The following MAP3K13 variants were observed in gnomAD, a reference collection of about 807,000 sequenced individuals.
MAP3K13 encodes the protein leucine zipper-bearing kinase.
MAP3K13 carries 52 observed loss-of-function variants against 104.0 expected under a neutral mutation model. That is an observed-to-expected ratio of 0.50 (90% confidence interval 0.40 to 0.63). MAP3K13 has a LOEUF of 0.63. Ranked by LOEUF, MAP3K13 falls within the 20% of genes least tolerant of loss-of-function variation. The pLI is 0.00. For missense variants in MAP3K13, 914 were observed against 1,218.5 expected, an observed-to-expected ratio of 0.75 and a Z score of 3.72; for synonymous variants, 394 against 442.2, an observed-to-expected ratio of 0.89 and a Z score of 1.37.
chr3:185,342,090 G>C (rs1177972375), intron 2 of MAP3K13, among the ~76,000 whole-genome samples: 1 of 152,122 alleles, frequency 6.6e-6, no homozygotes, highest in Non-Finnish European at 1.5e-5. Context: ...AAGGCCTCCT[G>C]CAAACAGCCA....
chr3:185,339,031 A>C (rs1722620533), intron 2 of MAP3K13, among the ~76,000 whole-genome samples: 1 of 152,196 alleles, frequency 6.6e-6, no homozygotes, highest in Non-Finnish European at 1.5e-5. Context: ...ATAAAATGCT[A>C]TCTCTAGGCT....
At chr3:185,313,688 A>T (rs1317271147) in intron 2 of MAP3K13, among the ~76,000 whole-genome samples, 1 of 151,832 alleles carries the variant, frequency 6.6e-6, no homozygotes, top group Non-Finnish European at 1.5e-5. Flanking sequence ...AAAAGTAAAA[A>T]TTTTGTAAAA....
At chr3:185,345,010 G>T (rs1193558171) in intron 2 of MAP3K13, among the ~76,000 whole-genome samples, 1 of 151,760 alleles carries the variant, frequency 6.6e-6, no homozygotes, top group East Asian at 1.9e-4. Context: ...TTACAGGCAT[G>T]CGCCACCATG....
intron 7 of MAP3K13, among the ~76,000 whole-genome samples, chr3:185,458,283 G>T (rs1373160536): frequency 6.7e-6 from 1 of 150,296 alleles, no homozygotes; most frequent in Non-Finnish European, 1.5e-5. Context: ...CACAAGAATC[G>T]CTTGAACCCA....
At chr3:185,384,795 A>T (rs1711586247) in intron 1 of MAP3K13, among the ~76,000 whole-genome samples, 1 of 151,952 alleles carries the variant, frequency 6.6e-6, no homozygotes, top group South Asian at 2.1e-4. Flanking sequence ...TTGTAATGGG[A>T]TTATTATTAT....
At chr3:185,386,643 G>A (rs1373385562) in intron 1 of MAP3K13, among the ~76,000 whole-genome samples, 2 of 152,164 alleles carry the variant, frequency 1.3e-5, no homozygotes, top group African/African-American at 4.8e-5. Context: ...AAGACAGGGA[G>A]TCAACCTAAA....
chr3:185,366,148 A>C lies in MAP3K13; in HGVS notation c.-86+2780A>C, dbSNP rs538582429. On this transcript the variant is annotated intron_variant, in intron 1 of 13. Coordinates refer to ENST00000265026, the MANE Select transcript of MAP3K13 (RefSeq NM_004721.5). ...AGACAACCGCCAATCTGCTTTCTCTATATATAGATTTGCTCAGTCTGGATA... is the reference window on the plus strand; with the variant it reads ...AGACAACCGCCAATCTGCTTTCTCTCTATATAGATTTGCTCAGTCTGGATA... Among the ~76,000 whole-genome samples, 15 of 151,440 alleles carry C rather than the reference A, an allele frequency of 9.9e-5. No homozygotes were observed. The East Asian group carries it at 2.7e-3, about 28-fold the overall frequency.
intron 2 of MAP3K13, among the ~76,000 whole-genome samples, chr3:185,321,375 G>C (rs968459689): frequency 2.0e-5 from 3 of 152,170 alleles, no homozygotes; most frequent in Non-Finnish European, 4.4e-5. Context: ...TAAGCATCTG[G>C]TTATAGTCAG....
At chr3:185,460,823 GT>G (rs1717054597) in intron 7 of MAP3K13, among the ~76,000 whole-genome samples, 1 of 152,174 alleles carries the variant, frequency 6.6e-6, no homozygotes, top group African/African-American at 2.4e-5. Context: ...TTCTCCTTGA[GT>G]TTCCCGTAAT....
In MAP3K13 at chr3:185,428,899, C is replaced by T. The variant is rs201110095; in HGVS notation, c.318C>T (p.Asp106=). ...AVSQGNSNTV[D]GESTSGTEDI... ...CTCAGGGGAACAGCAACACGGTGGACGGAGAGAGCACAAGCGGAACTGAAG... is the reference window on the plus strand; with the variant it reads ...CTCAGGGGAACAGCAACACGGTGGATGGAGAGAGCACAAGCGGAACTGAAG... The change falls in exon 2 of 14, where the codon GAC becomes GAT. Residue 106 remains aspartate (D), a synonymous_variant. Transcript: ENST00000265026. 1.1e-5 allele frequency: 17 copies of T among 1,613,920 alleles called. No homozygotes were observed. The highest frequency in any genetic ancestry group is 5.0e-5 in the Admixed American group (3 of 59,996).
At chr3:185,291,244 A>G (rs1405492885) in intron 2 of MAP3K13, among the ~76,000 whole-genome samples, 1 of 152,194 alleles carries the variant, frequency 6.6e-6, no homozygotes, top group Non-Finnish European at 1.5e-5. Context: ...GCTTTCAGAG[A>G]TCAAAAGCTC....
At chr3:185,294,689 T>C (rs1251852813) in intron 2 of MAP3K13, among the ~76,000 whole-genome samples, 1 of 152,220 alleles carries the variant, frequency 6.6e-6, no homozygotes, top group East Asian at 1.9e-4. Context: ...GTAATTGACA[T>C]TTTGTTGTTC....
rs369917299 is a variant in MAP3K13 at position 185,465,896 on chromosome 3, A to T, written c.1505+33A>T. 8.2e-6 allele frequency: 12 copies of T among 1,471,402 alleles called. No homozygotes were observed. The Admixed American group carries it at 1.8e-4, about 23-fold the overall frequency. 91.1% of individuals were successfully genotyped at this position (1,471,402 alleles called of 1,614,324 possible). On this transcript the variant is annotated intron_variant, in intron 9 of 13. Coordinates refer to ENST00000265026, the MANE Select transcript of MAP3K13 (RefSeq NM_004721.5). ...TCCAGACTAGTGTCTGTTCTTACTG[A>T]TTTGAGTCTGTCAATCAGCAGAAAC...
chr3:185,285,633 C>T, exon 2 of MAP3K13: 4 of 1,535,002 alleles, frequency 2.6e-6, no homozygotes, highest in Non-Finnish European at 3.5e-6. Context: ...AATCCTAGCA[C>T]TCTGGGAGAG....
intron 2 of MAP3K13, among the ~76,000 whole-genome samples, chr3:185,297,138 TA>T (rs1230610262): frequency 2.0e-5 from 3 of 151,450 alleles, no homozygotes; most frequent in Non-Finnish European, 4.4e-5. Flanking sequence ...GTTACTCTTC[TA>T]AAAAAAAACT....
At position 185,455,414 on chromosome 3, in the gene MAP3K13, G is replaced by GAT. The variant is rs1256487903; in HGVS notation, c.1278+4026_1278+4027dup. Among the ~76,000 whole-genome samples, 60 of 49,222 alleles carry GAT rather than the reference G, an allele frequency of 1.2e-3. 3 individuals carry two copies. Among genetic ancestry groups the GAT allele is most frequent in the African/African-American group, 3.8e-3 (59 of 15,684 alleles). 32.3% of individuals were successfully genotyped at this position (49,222 alleles called of 152,430 possible). A position where few individuals can be genotyped will look rare whatever the true frequency, so the allele number is the denominator to read the frequency against. On this transcript the variant is annotated intron_variant, in intron 7 of 13. Transcript: ENST00000265026. ...TATCATATATGAGATATATATATGA[G>GAT]ATATATATGATATATATGAGATATA... is the stretch of plus-strand genomic sequence containing the variant.
intron 1 of MAP3K13, among the ~76,000 whole-genome samples, chr3:185,419,257 C>G (rs1713987189): frequency 6.6e-6 from 1 of 152,190 alleles, no homozygotes; most frequent in Admixed American, 6.5e-5. Flanking sequence ...CCACCTTGGC[C>G]TCCCAAAATG....
intron 1 of MAP3K13, among the ~76,000 whole-genome samples, chr3:185,366,624 C>A (rs571656907): frequency 6.6e-6 from 1 of 152,174 alleles, no homozygotes; most frequent in South Asian, 2.1e-4. Flanking sequence ...TCTATTAGAA[C>A]CATCTTAACA....
At chr3:185,297,848 C>T (rs1367587227) in intron 2 of MAP3K13, among the ~76,000 whole-genome samples, 6 of 151,806 alleles carry the variant, frequency 4.0e-5, no homozygotes. Context: ...AATTTTTCAC[C>T]AATACAGTAA....
Sources: gnomAD v4.1 joint callset for allele counts (sites outside exome capture counted in the v4.1 genomes callset) on GRCh38, gnomAD v4.1.1 for gene constraint, MANE v1.5 for transcripts, NCBI Gene and HGNC (gene_info 2026-07-23, HGNC 2026-07-21) for gene names.